Variants in FBLN2 observed in about 807,000 individuals in gnomAD.
FBLN2 encodes the protein fibulin 2.
FBLN2 carries 81 observed loss-of-function variants against 123.7 expected under a neutral mutation model. The observed-to-expected ratio is 0.65, with a 90% CI of 0.55 to 0.79. The LOEUF (loss-of-function observed/expected upper bound fraction) is 0.79, where lower values mean the gene tolerates loss of function less well. Ranked by LOEUF, FBLN2 falls within the 30% of genes least tolerant of loss-of-function variation. FBLN2 has a pLI of 0.00. For synonymous variants in FBLN2, 699 were observed against 701.4 expected, an observed-to-expected ratio of 1.00 and a Z score of 0.05; for missense variants, 1,603 against 1,681.3, an observed-to-expected ratio of 0.95 and a Z score of 0.81.
At chr3:13,587,076 C>T (rs1461810178) in intron 2 of FBLN2, among the ~76,000 whole-genome samples, 2 of 145,994 alleles carry the variant, frequency 1.4e-5, no homozygotes, top group African/African-American at 5.1e-5. Flanking sequence ...GCCCGAGAGG[C>T]GGAGTTTGTA....
intron 16 of FBLN2, among the ~76,000 whole-genome samples, chr3:13,634,376 G>A (rs957494576): frequency 7.2e-5 from 11 of 152,252 alleles, no homozygotes; most frequent in African/African-American, 2.4e-4. Flanking sequence ...GAAGACCTGC[G>A]ACTGACCGCC....
chr3:13,573,298 A>C (rs754195967), intron 2 of FBLN2, among the ~76,000 whole-genome samples: 1 of 151,420 alleles, frequency 6.6e-6, no homozygotes, highest in Non-Finnish European at 1.5e-5. Flanking sequence ...CCCCGCCTGG[A>C]GCACCCCCTT....
intron 5 of FBLN2, among the ~76,000 whole-genome samples, chr3:13,614,889 C>T (rs1249182355): frequency 1.4e-5 from 2 of 147,620 alleles, no homozygotes; most frequent in African/African-American, 5.1e-5. Flanking sequence ...TCTGTCTGAT[C>T]ATCTATTCAT....
At chr3:13,598,099 A>G (rs1002548662) in intron 2 of FBLN2, among the ~76,000 whole-genome samples, 7 of 152,232 alleles carry the variant, frequency 4.6e-5, no homozygotes, top group African/African-American at 1.7e-4. Flanking sequence ...GAGGCAGGGT[A>G]GGCGTGGCTG....
chr3:13,558,195 C>T (rs1488682774), intron 1 of FBLN2, among the ~76,000 whole-genome samples: 3 of 152,302 alleles, frequency 2.0e-5, no homozygotes, highest in East Asian at 1.9e-4. Context: ...CTGGTTCTGC[C>T]GTAGGCCGGC....
rs760367076 is a variant in FBLN2, at chr3:13,570,594, G to A, written c.239G>A (p.Arg80His). The change falls in exon 2 of 18, where the codon CGC becomes CAC. Residue 80 changes from arginine (R) to histidine (H), a missense_variant. Physicochemically the swap from Arg to His is conservative, Grantham distance 29 (BLOSUM62 0). Coordinates refer to ENST00000404922, the MANE Select transcript of FBLN2 (RefSeq NM_001004019.2). The stretch of plus-strand genomic sequence containing the variant: ...GACTGCCTACAGGGTGGCTTCGTGC[G>A]CGGCCGCGTGCCCGCCGGTCAGTCC... ...YYDCLQGGFV[R>H]GRVPAGQSYF... 1.1e-5 allele frequency: 17 copies of A among 1,577,548 alleles called. No homozygotes were observed. Among genetic ancestry groups the A allele is most frequent in the African/African-American group, 8.1e-5 (6 of 74,220 alleles).
chr3:13,618,980 C>T lies in FBLN2; in HGVS notation c.2016C>T (p.Thr672=), dbSNP rs1705739852. 2.5e-6 allele frequency: 4 copies of T among 1,612,622 alleles called. No individual in the cohort carries two copies. Among genetic ancestry groups the T allele is most frequent in the Non-Finnish European group, 3.4e-6 (4 of 1,179,630 alleles). The change falls in exon 7 of 18, where the codon ACC becomes ACT. Residue 672 remains threonine (T), a synonymous_variant. Coordinates refer to ENST00000404922, the MANE Select transcript of FBLN2 (RefSeq NM_001004019.2). ...AATTTTCCCAGGTGGCCTCTAACAC[C>T]ATCCCGCTGCCACTGCCGCAGCCCA... The part of the protein sequence containing the change: ...KSEFSQVASN[T]IPLPLPQPNT...
Position 13,626,825 on chromosome 3 carries a change from G to A in FBLN2, c.2431+246G>A, listed in dbSNP as rs1398407072. Among the ~76,000 whole-genome samples, 6 of 152,260 alleles carry A rather than the reference G, an allele frequency of 3.9e-5. No individual in the cohort carries two copies. In the East Asian group the frequency reaches 5.8e-4, roughly 15 times the overall value. ...GGTGAGGGCAGGCTAGGTCCACCCC[G>A]GCTTTGCTCCTGCCTGCTGGTGTCT... On this transcript the variant is annotated intron_variant, in intron 10 of 17. Coordinates refer to ENST00000404922, the MANE Select transcript of FBLN2 (RefSeq NM_001004019.2).
intron 5 of FBLN2, among the ~76,000 whole-genome samples, chr3:13,617,309 G>T (rs1291723523): frequency 6.8e-6 from 1 of 147,202 alleles, no homozygotes; most frequent in East Asian, 2.0e-4. Flanking sequence ...CATCCATTCA[G>T]CCCCACACCC....
intron 2 of FBLN2, among the ~76,000 whole-genome samples, chr3:13,590,858 A>T (rs1424618836): frequency 2.6e-5 from 4 of 152,226 alleles, no homozygotes; most frequent in Non-Finnish European, 5.9e-5. Flanking sequence ...CATGCTGCAC[A>T]CTGTTGCTGT....
intron 1 of FBLN2, among the ~76,000 whole-genome samples, chr3:13,567,468 C>T (rs991094186): frequency 2.0e-5 from 3 of 152,232 alleles, no homozygotes; most frequent in African/African-American, 7.2e-5. Context: ...AGCAGTTCTC[C>T]TGCCTCATCC....
At chr3:13,579,042 T>C (rs1704237175) in intron 2 of FBLN2, among the ~76,000 whole-genome samples, 1 of 151,818 alleles carries the variant, frequency 6.6e-6, no homozygotes, top group Non-Finnish European at 1.5e-5. Flanking sequence ...GCAGCAAGAG[T>C]GAAACTCCGT....
At chr3:13,595,073 A>C (rs1326639981) in intron 2 of FBLN2, among the ~76,000 whole-genome samples, 5 of 152,208 alleles carry the variant, frequency 3.3e-5, no homozygotes, top group Non-Finnish European at 7.3e-5. Flanking sequence ...CTGGTCTGCA[A>C]AATGGGGGCT....
chr3:13,628,779 C>A, intron 11 of FBLN2, 126 bp from the exon 12 acceptor site: 1 of 1,142,370 alleles, frequency 8.8e-7, no homozygotes, highest in Non-Finnish European at 1.2e-6. Flanking sequence ...ACAGTCTGGC[C>A]CTGCAACTCT....
In FBLN2 at chr3:13,614,170, T is replaced by G; in HGVS notation, c.1729+6T>G. 1 of 1,609,404 alleles carries G rather than the reference T, an allele frequency of 6.2e-7. No homozygotes were observed. Among genetic ancestry groups the G allele is most frequent in the Non-Finnish European group, 8.5e-7 (1 of 1,179,330 alleles). ...CGCAGCTGCACCACGGAGAGGTGAG[T>G]GCTGCTCTTCCCTGGCTGCGGCATA... On this transcript the variant is annotated splice_donor_region_variant and intron_variant, in intron 5 of 17. Transcript: ENST00000404922.
chr3:13,602,690 C>G (rs1434846525), intron 2 of FBLN2, among the ~76,000 whole-genome samples: 1 of 152,064 alleles, frequency 6.6e-6, no homozygotes, highest in Non-Finnish European at 1.5e-5. Flanking sequence ...ATTAACTTTT[C>G]TATTTAATTG....
At chr3:13,633,549 T>C (rs75024973) in intron 16 of FBLN2, among the ~76,000 whole-genome samples, 19,829 of 152,342 alleles carry the variant, frequency 0.13, 1,673 homozygotes, top group Non-Finnish European at 0.19. Flanking sequence ...ATGTAGCCAC[T>C]TCTGCAGCTC....
In FBLN2 at chr3:13,634,792, CGG is replaced by C. The variant is rs1575004496; in HGVS notation, c.3215-1652_3215-1651del. Among the ~76,000 whole-genome samples, 4 of 152,346 alleles carry C rather than the reference CGG, an allele frequency of 2.6e-5. No individual in the cohort carries two copies. The East Asian group carries it at 7.7e-4, about 29-fold the overall frequency. On this transcript the variant is annotated intron_variant, in intron 16 of 17. Coordinates refer to ENST00000404922, the MANE Select transcript of FBLN2 (RefSeq NM_001004019.2). The stretch of plus-strand genomic sequence containing the variant: ...GCAGCCAAGAGCCCAGAGTCTGAGG[CGG>C]TCCGGGGGTATTGAGTCCTGGCGTT...
At chr3:13,576,741 C>G (rs529250887) in intron 2 of FBLN2, among the ~76,000 whole-genome samples, 268 of 151,028 alleles carry the variant, frequency 1.8e-3, no homozygotes, top group Non-Finnish European at 3.2e-3. Context: ...CGGGTTCACT[C>G]ATTTATCCAC....
Sources: gnomAD v4.1 joint callset for allele counts (sites outside exome capture counted in the v4.1 genomes callset) on GRCh38, gnomAD v4.1.1 for gene constraint, MANE v1.5 for transcripts, NCBI Gene and HGNC (gene_info 2026-07-23, HGNC 2026-07-21) for gene names.